Variants in DMD observed in about 807,000 individuals in gnomAD.
DMD encodes dystrophin, also known as mutant dystrophin.
A neutral mutation model predicts 330.1 loss-of-function variants in DMD; 63 were observed. That is an observed-to-expected ratio of 0.19 (90% CI 0.16 to 0.24). The LOEUF (loss-of-function observed/expected upper bound fraction) is 0.24, where lower values mean the gene tolerates loss of function less well. Ranked by LOEUF, DMD falls within the 10% of genes least tolerant of loss-of-function variation. DMD has a pLI of 1.00. For missense variants in DMD, 3,344 were observed against 2,684.1 expected (o/e 1.25, Z -5.43); for synonymous variants, 1,223 against 959.8 (o/e 1.27, Z -5.07).
At chrX:33,001,945 C>G (rs1365452549) in intron 2 of DMD, among the ~76,000 whole-genome samples, 1 of 111,439 alleles carries the variant, frequency 9.0e-6, no homozygotes, top group Non-Finnish European at 1.9e-5. Context: ...CAACATTATA[C>G]TTTAATACTA....
chrX:32,064,593 CA>C (rs1569538775), intron 44 of DMD, among the ~76,000 whole-genome samples: 1 of 111,516 alleles, frequency 9.0e-6, no homozygotes, highest in Non-Finnish European at 1.9e-5. Flanking sequence ...ATTTTATTTA[CA>C]AAAACTTAGT....
At chrX:31,249,141 A>G (rs2049103498) in intron 63 of DMD, among the ~76,000 whole-genome samples, 3 of 112,112 alleles carry the variant, frequency 2.7e-5, no homozygotes, top group African/African-American at 9.7e-5. Flanking sequence ...AAAACCTTCA[A>G]CATACCATAT....
chrX:32,178,830 G>GTGTGTGTGT (rs1569549001), intron 44 of DMD, among the ~76,000 whole-genome samples: 1,362 of 99,147 alleles, frequency 0.014, 28 homozygotes, highest in African/African-American at 0.046. Flanking sequence ...TATTCCAGGG[G>GTGTGTGTGT]GTGTGTGTGT....
chrX:32,981,603 A>G (rs747526782), intron 2 of DMD, among the ~76,000 whole-genome samples: 340 of 111,844 alleles, frequency 3.0e-3, no homozygotes, highest in African/African-American at 0.011. Context: ...TATCATTTAT[A>G]TGATATTTTT....
chrX:31,703,912 T>C (rs1254825203), intron 52 of DMD, among the ~76,000 whole-genome samples: 1 of 111,456 alleles, frequency 9.0e-6, no homozygotes, highest in African/African-American at 3.3e-5. Flanking sequence ...AAATAAAATA[T>C]ATTTTAGACT....
At chrX:31,187,450 C>G (rs1037922245) in intron 67 of DMD, among the ~76,000 whole-genome samples, 1 of 111,642 alleles carries the variant, frequency 9.0e-6, no homozygotes, top group Non-Finnish European at 1.9e-5. Context: ...TTTCTCCAGA[C>G]AGTGTAACTG....
intron 4 of DMD, among the ~76,000 whole-genome samples, chrX:32,840,640 G>A: frequency 9.0e-6 from 1 of 111,722 alleles, no homozygotes; most frequent in Non-Finnish European, 1.9e-5. Flanking sequence ...TTAAACCCAT[G>A]GAAACATTTT....
At chrX:31,571,963 T>C (rs554822857) in intron 55 of DMD, among the ~76,000 whole-genome samples, 1 of 111,395 alleles carries the variant, frequency 9.0e-6, no homozygotes, top group East Asian at 2.8e-4. Context: ...AAAGAATTGC[T>C]AAAAATTATT....
chrX:32,764,633 G>A (rs191763185), intron 7 of DMD, among the ~76,000 whole-genome samples: 6 of 111,650 alleles, frequency 5.4e-5, no homozygotes, highest in Admixed American at 3.8e-4. Context: ...CTTTCTTAAG[G>A]CTGAATAATA....
intron 9 of DMD, among the ~76,000 whole-genome samples, chrX:32,672,757 T>C (rs1569437283): frequency 9.0e-6 from 1 of 110,812 alleles, no homozygotes; most frequent in Non-Finnish European, 1.9e-5. Flanking sequence ...AATGTTACAG[T>C]TCTGGCAGCC....
intron 44 of DMD, among the ~76,000 whole-genome samples, chrX:31,972,418 T>C (rs901529381): frequency 3.6e-5 from 4 of 111,622 alleles, no homozygotes; most frequent in African/African-American, 6.5e-5. Context: ...TAAAAGTCTA[T>C]TTGTAAAACT....
intron 74 of DMD, among the ~76,000 whole-genome samples, chrX:31,164,375 C>T (rs766712929): frequency 1.8e-5 from 2 of 111,607 alleles, no homozygotes; most frequent in African/African-American, 6.5e-5. Context: ...TATCACCTTC[C>T]AGCTACTCAG....
At chrX:32,341,953 A>G in intron 41 of DMD, 147 bp downstream of exon 41, 2 of 568,325 alleles carry the variant, frequency 3.5e-6, no homozygotes, top group Non-Finnish European at 2.7e-6. Flanking sequence ...AGAAGCCCAA[A>G]GTGAGGGAAA....
At chrX:31,868,961 A>T (rs2093845002) in intron 48 of DMD, among the ~76,000 whole-genome samples, 1 of 111,725 alleles carries the variant, frequency 9.0e-6, no homozygotes, top group South Asian at 3.7e-4. Context: ...CCAATACCAC[A>T]ATCTATGCCA....
At chrX:31,517,549 AG>A (rs1231332685) in intron 55 of DMD, among the ~76,000 whole-genome samples, 48 of 111,305 alleles carry the variant, frequency 4.3e-4, no homozygotes, top group African/African-American at 1.6e-3. Context: ...TCTTGTGTAA[AG>A]GTGTAACATT....
At chrX:32,140,976 A>C (rs748348759) in intron 44 of DMD, among the ~76,000 whole-genome samples, 3 of 111,754 alleles carry the variant, frequency 2.7e-5, no homozygotes, top group Non-Finnish European at 5.6e-5. Context: ...AACAAGGCAG[A>C]TATAACCTGC....
At chrX:31,206,110 A>C (rs1297633372) in intron 66 of DMD, among the ~76,000 whole-genome samples, 4 of 112,635 alleles carry the variant, frequency 3.6e-5, no homozygotes, top group Non-Finnish European at 7.5e-5. Flanking sequence ...TCAAATAATA[A>C]AATGTTAGTC....
intron 41 of DMD, among the ~76,000 whole-genome samples, chrX:32,335,442 TG>T (rs2097701132): frequency 1.9e-5 from 2 of 104,917 alleles, no homozygotes; most frequent in East Asian, 5.9e-4. Context: ...TATATATGGA[TG>T]TATATATGTA....
intron 7 of DMD, among the ~76,000 whole-genome samples, chrX:32,749,798 T>A (rs1028676914): frequency 8.9e-6 from 1 of 111,999 alleles, no homozygotes; most frequent in African/African-American, 3.2e-5. Context: ...AACAAAAAAA[T>A]GACACACAAT....
Sources: gnomAD v4.1 joint callset for allele counts (sites outside exome capture counted in the v4.1 genomes callset) on GRCh38, gnomAD v4.1.1 for gene constraint, MANE v1.5 for transcripts, NCBI Gene and HGNC (gene_info 2026-07-23, HGNC 2026-07-21) for gene names.